The following EPHA6 variants were observed in gnomAD, a reference collection of about 807,000 sequenced individuals.
EPHA6 encodes ephrin type-A receptor 6.
A neutral mutation model predicts 112.0 loss-of-function variants in EPHA6; 50 were observed. The observed-to-expected ratio is 0.45, with a 90% CI of 0.36 to 0.56. The LOEUF (loss-of-function observed/expected upper bound fraction) is 0.56. Among genes scored for constraint, EPHA6 ranks in the 20% least tolerant of loss-of-function variants. The pLI is 0.00. For missense variants in EPHA6, 1,280 were observed against 1,417.4 expected (o/e 0.90, Z 1.56); for synonymous variants, 529 against 490.7 (o/e 1.08, Z -1.03).
At chr3:96,928,706 T>C (rs182361778) in intron 2 of EPHA6, among the ~76,000 whole-genome samples, 10 of 152,242 alleles carry the variant, frequency 6.6e-5, no homozygotes, top group Admixed American at 2.6e-4. Context: ...TTGTTTAATA[T>C]TGTCAGTGGG....
intron 2 of EPHA6, among the ~76,000 whole-genome samples, chr3:96,930,113 C>T (rs755582783): frequency 6.6e-6 from 1 of 152,158 alleles, no homozygotes; most frequent in Non-Finnish European, 1.5e-5. Flanking sequence ...GTTGTCAGCT[C>T]CTGTATTGTT....
chr3:97,258,912 A>G (rs2079406349), intron 5 of EPHA6, among the ~76,000 whole-genome samples: 1 of 152,166 alleles, frequency 6.6e-6, no homozygotes, highest in African/African-American at 2.4e-5. Flanking sequence ...AAATAAGAAA[A>G]TAACAGTTTA....
rs148762238 is a variant in EPHA6 at position 97,120,755 on chromosome 3, T to C, written c.1115-105509T>C. 5.4e-4 allele frequency among the ~76,000 whole-genome samples: 82 copies of C among 152,084 alleles called. 2 individuals are homozygous for C. The highest frequency in any genetic ancestry group is 4.1e-3 in the Admixed American group (62 of 15,234). ...CATGACTCTATGGTCTGGTGGGATATGTGAATACAACGATGAGTGTGTTTC... is the reference window on the plus strand; with the variant it reads ...CATGACTCTATGGTCTGGTGGGATACGTGAATACAACGATGAGTGTGTTTC... On this transcript the variant is annotated intron_variant, in intron 3 of 17. Coordinates refer to ENST00000389672, the MANE Select transcript of EPHA6 (RefSeq NM_001080448.3).
chr3:96,946,209 A>G (rs959952057), intron 2 of EPHA6, among the ~76,000 whole-genome samples: 1 of 152,016 alleles, frequency 6.6e-6, no homozygotes, highest in Non-Finnish European at 1.5e-5. Context: ...GTTTTAGGGT[A>G]CATGTGCACA....
In EPHA6 at chr3:97,751,967, G is replaced by A. The variant is rs1446271458; in HGVS notation, c.*3266G>A. Reference sequence around the variant, plus strand: ...TATTTGGAAAAAATGTGAAAACAATGTACAATCAAGGAGAGAGATAAAGTA... The same window carrying A: ...TATTTGGAAAAAATGTGAAAACAATATACAATCAAGGAGAGAGATAAAGTA... On this transcript the variant is annotated 3_prime_UTR_variant, in exon 18 of 18. Coordinates refer to ENST00000389672, the MANE Select transcript of EPHA6 (RefSeq NM_001080448.3). Among the ~76,000 whole-genome samples the A allele has an allele frequency of 2.6e-5, 4 of 152,074 alleles. No homozygotes were observed. The highest frequency in any genetic ancestry group is 5.9e-5 in the Non-Finnish European group (4 of 67,976).
chr3:97,469,423 TG>T (rs1262177018), intron 7 of EPHA6, among the ~76,000 whole-genome samples: 1 of 151,780 alleles, frequency 6.6e-6, no homozygotes, highest in African/African-American at 2.4e-5. Context: ...TTTTATAGTA[TG>T]TGGACCTCAG....
At chr3:97,583,483 G>A (rs1402479981) in intron 11 of EPHA6, among the ~76,000 whole-genome samples, 1 of 151,588 alleles carries the variant, frequency 6.6e-6, no homozygotes, top group Non-Finnish European at 1.5e-5. Flanking sequence ...AGCTTGCAGT[G>A]AGCTGAGATC....
intron 11 of EPHA6, among the ~76,000 whole-genome samples, chr3:97,553,608 A>T (rs2093060929): frequency 6.6e-6 from 1 of 152,032 alleles, no homozygotes; most frequent in African/African-American, 2.4e-5. Context: ...CTTCACTATC[A>T]AGAGAACAGC....
chr3:97,590,218 G>A (rs1380951377), intron 11 of EPHA6: 2 of 152,052 alleles, frequency 1.3e-5, no homozygotes, highest in African/African-American at 4.8e-5. Context: ...TTTTTCAGCT[G>A]TGAAAAATGA....
At chr3:97,248,584 G>A (rs1211389939) in intron 5 of EPHA6, among the ~76,000 whole-genome samples, 1 of 152,054 alleles carries the variant, frequency 6.6e-6, no homozygotes, top group Non-Finnish European at 1.5e-5. Flanking sequence ...ATTTGCTAAA[G>A]GGTCTTTAAA....
intron 6 of EPHA6, among the ~76,000 whole-genome samples, chr3:97,411,922 T>G (rs2087744255): frequency 6.6e-6 from 1 of 152,046 alleles, no homozygotes. Context: ...GATTATTTTT[T>G]ATATATTTGT....
intron 5 of EPHA6, among the ~76,000 whole-genome samples, chr3:97,302,618 T>G (rs1420730955): frequency 6.6e-6 from 1 of 151,804 alleles, no homozygotes; most frequent in Admixed American, 6.6e-5. Flanking sequence ...GTGCAAATGT[T>G]TAAAAAATAA....
At chr3:97,490,644 A>G (rs2091816079) in intron 10 of EPHA6, among the ~76,000 whole-genome samples, 1 of 152,236 alleles carries the variant, frequency 6.6e-6, no homozygotes, top group South Asian at 2.1e-4. Flanking sequence ...TGGCTAAGAA[A>G]CAATAGATGA....
Position 97,459,290 on chromosome 3 carries a change from C to G in EPHA6, c.1894+10560C>G, listed in dbSNP as rs115612326. Reference sequence around the variant, plus strand: ...AAAGGCATCAGCAACACCTGGGAACCCACCAGAAATGCACATTTTTCAGAC... The same window carrying G: ...AAAGGCATCAGCAACACCTGGGAACGCACCAGAAATGCACATTTTTCAGAC... On this transcript the variant is annotated intron_variant, in intron 7 of 17. Transcript: ENST00000389672. Among the ~76,000 whole-genome samples the G allele has an allele frequency of 6.3e-3, 964 of 152,274 alleles. 4 individuals carry two copies. Among genetic ancestry groups the G allele is most frequent in the African/African-American group, 0.021 (884 of 41,548 alleles).
intron 3 of EPHA6, among the ~76,000 whole-genome samples, chr3:97,097,882 G>C (rs1006763341): frequency 1.3e-5 from 2 of 151,832 alleles, no homozygotes; most frequent in Admixed American, 6.6e-5. Context: ...TCACATTTCT[G>C]GATGTGAGTA....
chr3:97,728,955 T>C (rs2034906033), intron 15 of EPHA6, among the ~76,000 whole-genome samples: 1 of 152,132 alleles, frequency 6.6e-6, no homozygotes, highest in African/African-American at 2.4e-5. Flanking sequence ...GGAGACCTCC[T>C]GAAGGACCAA....
intron 11 of EPHA6, chr3:97,590,350 A>G (rs1022605413): frequency 6.6e-6 from 1 of 152,190 alleles, no homozygotes; most frequent in Non-Finnish European, 1.5e-5. Context: ...GCTATTAACT[A>G]TGACAGGCTG....
At chr3:97,341,094 A>C (rs556846433) in intron 5 of EPHA6, among the ~76,000 whole-genome samples, 51 of 152,346 alleles carry the variant, frequency 3.3e-4, no homozygotes, top group Non-Finnish European at 5.9e-4. Context: ...GAGGCCGAGT[A>C]GGTTCAGCTT....
intron 3 of EPHA6, among the ~76,000 whole-genome samples, chr3:97,114,056 C>T (rs2047809087): frequency 6.6e-6 from 1 of 152,024 alleles, no homozygotes; most frequent in Non-Finnish European, 1.5e-5. Context: ...TCTACCATAA[C>T]ATCTGCTGCT....
Sources: allele counts gnomAD v4.1 joint callset (sites outside exome capture counted in the v4.1 genomes callset), GRCh38; gene constraint gnomAD v4.1.1; transcripts MANE v1.5; gene names NCBI Gene and HGNC (gene_info 2026-07-23, HGNC 2026-07-21).